The following DSCAML1 variants were observed in gnomAD, a reference collection of about 807,000 sequenced individuals.
The protein encoded by DSCAML1 is cell adhesion molecule DSCAML1.
A neutral mutation model predicts 200.5 loss-of-function variants in DSCAML1; 38 were observed. That is an observed-to-expected ratio of 0.19 (90% CI 0.15 to 0.25). DSCAML1 has a LOEUF of 0.25. Among genes scored for constraint, DSCAML1 ranks in the 10% least tolerant of loss-of-function variants. The pLI is 1.00. For synonymous variants in DSCAML1, 1,215 were observed against 1,165.0 expected, an observed-to-expected ratio of 1.04 and a Z score of -0.87; for missense variants, 2,223 against 2,858.8, an observed-to-expected ratio of 0.78 and a Z score of 5.07.
chr11:117,484,687 T>C (rs1229701451), intron 11 of DSCAML1, among the ~76,000 whole-genome samples: 2 of 151,984 alleles, frequency 1.3e-5, no homozygotes, highest in Non-Finnish European at 2.9e-5. Context: ...GAATATAGAG[T>C]AAGATTTTAC....
rs1464698941 is a variant in DSCAML1 at position 117,428,055 on chromosome 11, A to G, written c.*273T>C. 1 of 345,630 alleles carries G rather than the reference A, an allele frequency of 2.9e-6. No individual in the cohort carries two copies. Among genetic ancestry groups the G allele is most frequent in the African/African-American group, 2.2e-5 (1 of 45,082 alleles). 21.4% of individuals were successfully genotyped at this position (345,630 alleles called of 1,614,324 possible). On this transcript the variant is annotated 3_prime_UTR_variant, in exon 33 of 33. Coordinates refer to ENST00000651296, the MANE Select transcript of DSCAML1 (RefSeq NM_020693.4). The stretch of plus-strand genomic sequence containing the variant: ...CGTGGACGCGTTCCTGTCTGTCTAT[A>G]TATGTATATATATCTCCACACATAT...
chr11:117,636,635 C>T (rs1039201129), intron 3 of DSCAML1, among the ~76,000 whole-genome samples: 18 of 152,288 alleles, frequency 1.2e-4, no homozygotes, highest in Non-Finnish European at 8.8e-5. Context: ...AAACCCCCAA[C>T]CCCTTAACTC....
rs371216205 is a variant in DSCAML1, at chr11:117,624,211, G to C, written c.512-91689C>G. Among the ~76,000 whole-genome samples, 10 of 152,296 alleles carry C rather than the reference G, an allele frequency of 6.6e-5. No homozygotes were observed. In the East Asian group the frequency reaches 1.9e-3, roughly 29 times the overall value. ...TGATTGAAATCAGCTGAATCGGAAT[G>C]ACAGCATCACAGGCGTTCACAGAGA... On this transcript the variant is annotated intron_variant, in intron 3 of 32. Transcript: ENST00000651296.
At chr11:117,524,319 C>T (rs2137323201) in intron 5 of DSCAML1, among the ~76,000 whole-genome samples, 1 of 152,312 alleles carries the variant, frequency 6.6e-6, no homozygotes, top group South Asian at 2.1e-4. Flanking sequence ...AATCAGTGCC[C>T]CTATCAATGA....
chr11:117,549,751 C>T (rs1298169435), intron 3 of DSCAML1, among the ~76,000 whole-genome samples: 1 of 152,206 alleles, frequency 6.6e-6, no homozygotes, highest in African/African-American at 2.4e-5. Flanking sequence ...TTTTCCTCTT[C>T]TTAGAACTGT....
chr11:117,655,936 G>C (rs2137631608), intron 3 of DSCAML1, among the ~76,000 whole-genome samples: 1 of 152,266 alleles, frequency 6.6e-6, no homozygotes, highest in South Asian at 2.1e-4. Flanking sequence ...GGAGGTGAAG[G>C]CTCATATTCT....
chr11:117,450,523 C>T (rs1425134359), intron 20 of DSCAML1, 26 bp downstream of exon 20: 1 of 1,609,212 alleles, frequency 6.2e-7, no homozygotes, highest in Non-Finnish European at 8.5e-7. Flanking sequence ...CCATCCCCTT[C>T]ATCATCTGGC....
chr11:117,609,203 TAA>T (rs59810881), intron 3 of DSCAML1, among the ~76,000 whole-genome samples: 18 of 139,258 alleles, frequency 1.3e-4, no homozygotes, highest in Admixed American at 2.1e-4. Context: ...TATCTCAATT[TAA>T]AAAAAAAAAA....
At position 117,503,823 on chromosome 11, in the gene DSCAML1, G is replaced by A. The variant is rs780864485; in HGVS notation, c.2359+22C>T. The A allele has an allele frequency of 1.9e-6, 3 of 1,609,022 alleles. No individual in the cohort carries two copies. In the South Asian group the frequency reaches 3.3e-5, roughly 18 times the overall value. ...TGGCTGTGATTTGGGGGTGCTAGGG[G>A]GCGTGTGGGGACAGGACTCACTCTT... is the stretch of plus-strand genomic sequence containing the variant. On this transcript the variant is annotated intron_variant, in intron 11 of 32. Transcript: ENST00000651296. The surrounding 1 kb of genome is among the most constrained non-coding windows in gnomAD (Gnocchi z 5.2).
intron 3 of DSCAML1, among the ~76,000 whole-genome samples, chr11:117,641,808 T>C (rs1309097925): frequency 6.6e-6 from 1 of 152,082 alleles, no homozygotes; most frequent in Non-Finnish European, 1.5e-5. Flanking sequence ...CCTCATGGAA[T>C]GAAGGGAGGA....
Position 117,627,089 on chromosome 11 carries a change from AC to A in DSCAML1, c.512-94568del, listed in dbSNP as rs200779324. On this transcript the variant is annotated intron_variant, in intron 3 of 32. Transcript: ENST00000651296. ...AATGGTATAGGTCATTAGACTAATA[AC>A]AGCAGATAATTAATTTTCTAACTCT... 4.3e-3 allele frequency among the ~76,000 whole-genome samples: 650 copies of A among 152,320 alleles called. 6 individuals carry two copies. Among genetic ancestry groups the A allele is most frequent in the African/African-American group, 0.015 (625 of 41,566 alleles).
At chr11:117,520,008 G>A (rs1025108729) in intron 6 of DSCAML1, among the ~76,000 whole-genome samples, 2 of 152,198 alleles carry the variant, frequency 1.3e-5, no homozygotes, top group African/African-American at 2.4e-5. Context: ...TCTTTGTTAC[G>A]ACAAATCCTT....
chr11:117,587,468 G>T (rs1225246568), intron 3 of DSCAML1, among the ~76,000 whole-genome samples: 2 of 152,040 alleles, frequency 1.3e-5, no homozygotes, highest in Admixed American at 6.5e-5. Flanking sequence ...AGTGTTCTCT[G>T]TCATCCTGGT....
chr11:117,610,329 C>T (rs1269424923), intron 3 of DSCAML1, among the ~76,000 whole-genome samples: 4 of 152,214 alleles, frequency 2.6e-5, no homozygotes, highest in African/African-American at 9.7e-5. Flanking sequence ...ACTACCCCCA[C>T]TGCCCCATTG....
At chr11:117,587,187 C>A (rs1156713797) in intron 3 of DSCAML1, among the ~76,000 whole-genome samples, 1 of 151,756 alleles carries the variant, frequency 6.6e-6, no homozygotes, top group East Asian at 1.9e-4. Context: ...CTCCTAGTAA[C>A]TGAAATAGCT....
At chr11:117,794,445 T>TA (rs559840949) in intron 1 of DSCAML1, among the ~76,000 whole-genome samples, 164 of 151,642 alleles carry the variant, frequency 1.1e-3, no homozygotes, top group Middle Eastern at 6.8e-3. Context: ...TCAGGCATCA[T>TA]AAAAAAAAGG....
intron 3 of DSCAML1, among the ~76,000 whole-genome samples, chr11:117,580,881 T>C (rs2051026508): frequency 6.6e-6 from 1 of 152,066 alleles, no homozygotes; most frequent in Non-Finnish European, 1.5e-5. Flanking sequence ...CTGAACAGGG[T>C]CCTAAAATTA....
chr11:117,717,537 T>C (rs985709786), intron 3 of DSCAML1, among the ~76,000 whole-genome samples: 1 of 152,174 alleles, frequency 6.6e-6, no homozygotes, highest in Non-Finnish European at 1.5e-5. Context: ...AGCTCAGAAA[T>C]AAAAGACCCT....
chr11:117,647,552 C>T (rs1387200204), intron 3 of DSCAML1, among the ~76,000 whole-genome samples: 2 of 152,176 alleles, frequency 1.3e-5, no homozygotes, highest in East Asian at 3.9e-4. Context: ...TGGTGCCACT[C>T]CAGGCTGAGG....
Sources: allele counts gnomAD v4.1 joint callset (sites outside exome capture counted in the v4.1 genomes callset), GRCh38; gene constraint gnomAD v4.1.1; non-coding constraint Gnocchi (gnomAD v3.1); transcripts MANE v1.5; gene names NCBI Gene and HGNC (gene_info 2026-07-23, HGNC 2026-07-21).